Variants in LOXHD1 observed in about 807,000 individuals in gnomAD.
LOXHD1 encodes lipoxygenase homology domain-containing protein 1.
In LOXHD1, 205 loss-of-function variants were observed where a neutral mutation model predicts 248.2. The ratio of observed to expected loss-of-function variants is 0.83; its 90% confidence interval spans 0.74 to 0.93. LOXHD1 has a LOEUF of 0.93. LOXHD1 is among the 40% of genes least tolerant of loss of function. The probability of loss-of-function intolerance (pLI) is 0.00; values close to 1 mark genes in which losing one functional copy is unlikely to be tolerated. For missense variants in LOXHD1, 2,930 were observed against 2,971.6 expected, an observed-to-expected ratio of 0.99 and a Z score of 0.33; for synonymous variants, 1,113 against 1,162.8, an observed-to-expected ratio of 0.96 and a Z score of 0.87.
intron 4 of LOXHD1, among the ~76,000 whole-genome samples, chr18:46,636,284 C>T (rs2038891560): frequency 6.6e-6 from 1 of 152,190 alleles, no homozygotes; most frequent in Non-Finnish European, 1.5e-5. Flanking sequence ...AGAGACGAAA[C>T]AGTCATCTCC....
At chr18:46,636,893 C>G (rs574809403) in intron 4 of LOXHD1, among the ~76,000 whole-genome samples, 2 of 152,302 alleles carry the variant, frequency 1.3e-5, no homozygotes, top group African/African-American at 4.8e-5. Context: ...CACCTGTAAT[C>G]CCAGCACTTT....
intron 6 of LOXHD1, among the ~76,000 whole-genome samples, chr18:46,607,499 A>C (rs1451729289): frequency 6.6e-6 from 1 of 151,092 alleles, no homozygotes; most frequent in African/African-American, 2.4e-5. Context: ...TGATATATAT[A>C]TATTAATTAA....
chr18:46,484,894 G>A, intron 39 of LOXHD1, 125 bp downstream of exon 39: 5 of 1,162,330 alleles, frequency 4.3e-6, no homozygotes, highest in Non-Finnish European at 6.0e-6. Context: ...CACAGTAGGT[G>A]CTCAGTAAGT....
At chr18:46,569,723 C>T in intron 15 of LOXHD1, 85 bp from the exon 16 acceptor site, 1 of 1,086,342 alleles carries the variant, frequency 9.2e-7, no homozygotes, top group Non-Finnish European at 1.3e-6. Context: ...GGAGGGCAGC[C>T]TGGAGCTGGA....
At position 46,579,645 on chromosome 18, in the gene LOXHD1, C is replaced by T. The variant is rs2037925010; in HGVS notation, c.1794G>A (p.Leu598=). The T allele has an allele frequency of 6.4e-7, 1 of 1,551,582 alleles. No homozygotes were observed. Among genetic ancestry groups the T allele is most frequent in the Non-Finnish European group, 8.7e-7 (1 of 1,146,996 alleles). ...TGTAACTTACATTGCCCTTTTCAAA[C>T]AGGTCTGTGTTATTCCTGCAGTTGT... ...LLYNCRNNTD[L]FEKGNADEFT... is the part of the protein sequence containing the mutation. Residue 598 remains leucine, a synonymous_variant, in exon 13 of 41, where the codon CTG becomes CTA. Transcript: ENST00000642948.
intron 38 of LOXHD1, 57 bp downstream of exon 38, chr18:46,488,915 T>C (rs2033261387): frequency 1.3e-6 from 2 of 1,518,454 alleles, no homozygotes; most frequent in Admixed American, 4.0e-5. Context: ...AACGGTGTCT[T>C]CTTATTCCAG....
intron 4 of LOXHD1, among the ~76,000 whole-genome samples, chr18:46,633,824 T>C (rs2038858619): frequency 6.6e-6 from 1 of 152,240 alleles, no homozygotes; most frequent in African/African-American, 2.4e-5. Context: ...TGAATGGTTA[T>C]TCTCCAAAGA....
intron 39 of LOXHD1, 133 bp downstream of exon 39, chr18:46,484,886 C>T: frequency 9.0e-7 from 1 of 1,108,702 alleles, no homozygotes; most frequent in Middle Eastern, 2.1e-4. Context: ...GATTGGCACA[C>T]AGTAGGTGCT....
chr18:46,650,454 T>C (rs1403298450), intron 1 of LOXHD1, among the ~76,000 whole-genome samples: 2 of 152,124 alleles, frequency 1.3e-5, no homozygotes, highest in Admixed American at 6.5e-5. Context: ...CAACATTGAG[T>C]GGTTGCTTAC....
intron 8 of LOXHD1, among the ~76,000 whole-genome samples, chr18:46,598,694 T>C (rs1184722668): frequency 6.6e-6 from 1 of 152,146 alleles, no homozygotes; most frequent in Non-Finnish European, 1.5e-5. Flanking sequence ...TTTAAAGAGG[T>C]ACCACTTATA....
chr18:46,557,911 G>A (rs1463653597), intron 20 of LOXHD1: 1 of 1,076,512 alleles, frequency 9.3e-7, no homozygotes, highest in Non-Finnish European at 1.1e-6. Flanking sequence ...CCTGCTATGA[G>A]CTGGTGCTGT....
At position 46,547,033 on chromosome 18, in the gene LOXHD1, G is replaced by C. The variant is rs1305649238; in HGVS notation, c.3376C>G (p.Leu1126Val). ...ITYYFPCQRW[L>V]AVEEDDGQLS... The stretch of plus-strand genomic sequence containing the variant: ...TGGCCATCATCTTCCTCCACTGCCA[G>C]CCAACGTTGGCATGGAAAGTAGTAC... The change falls in exon 22 of 41, where the codon CTG becomes GTG. Residue 1126 changes from leucine to valine, a missense_variant. Physicochemically the swap from Leu to Val is conservative, Grantham distance 32. Transcript: ENST00000642948. The C allele has an allele frequency of 1.3e-6, 2 of 1,551,656 alleles. No homozygotes were observed. Among genetic ancestry groups the C allele is most frequent in the Admixed American group, 3.9e-5 (2 of 50,988 alleles).
intron 2 of LOXHD1, among the ~76,000 whole-genome samples, chr18:46,642,346 C>G (rs1045787839): frequency 6.6e-5 from 10 of 152,236 alleles, no homozygotes; most frequent in Admixed American, 5.9e-4. Context: ...GGACCAGAAC[C>G]TGGCTCTCCC....
At chr18:46,542,545 C>A (rs1382692872) in intron 24 of LOXHD1, among the ~76,000 whole-genome samples, 182 bp downstream of exon 24, 2 of 152,134 alleles carry the variant, frequency 1.3e-5, no homozygotes, top group Non-Finnish European at 2.9e-5. Context: ...ACTAATTAGG[C>A]CAGAAACTCT....
chr18:46,655,018 T>C (rs550566735), intron 1 of LOXHD1, among the ~76,000 whole-genome samples: 2 of 152,284 alleles, frequency 1.3e-5, no homozygotes, highest in East Asian at 3.9e-4. Context: ...TGCTTCAGAT[T>C]CCTCATCTGA....
chr18:46,574,382 T>TACACACACAC (rs1470113953), intron 14 of LOXHD1, among the ~76,000 whole-genome samples: 1 of 58,560 alleles, frequency 1.7e-5, no homozygotes, highest in South Asian at 5.2e-4. Flanking sequence ...TGTGTGTGTG[T>TACACACACAC]ACACATACAC....
chr18:46,556,271 C>G (rs1417614936), intron 21 of LOXHD1, among the ~76,000 whole-genome samples: 1 of 151,858 alleles, frequency 6.6e-6, no homozygotes, highest in African/African-American at 2.4e-5. Flanking sequence ...TTTGCTGATC[C>G]CTGGTATAGA....
intron 8 of LOXHD1, among the ~76,000 whole-genome samples, chr18:46,595,921 T>G (rs2038250063): frequency 2.6e-5 from 4 of 152,162 alleles, no homozygotes; most frequent in Admixed American, 2.6e-4. Flanking sequence ...AAGTCTGAGG[T>G]TGTGTGTTTT....
At position 46,577,750 on chromosome 18, in the gene LOXHD1, C is replaced by T. The variant is rs1386590714; in HGVS notation, c.1927G>A (p.Glu643Lys). The change falls in exon 14 of 41, where the codon GAG (glutamate) becomes AAG (lysine). Residue 643 changes from glutamate to lysine, a missense_variant. Coordinates refer to ENST00000642948, the MANE Select transcript of LOXHD1 (RefSeq NM_001384474.1). ...WYLDRVLVREEGQPESDNVEF... is the reference protein window; with the variant it reads ...WYLDRVLVREKGQPESDNVEF... ...ACGTTGTCGCTCTCAGGCTGCCCCT[C>T]CTCTCTCACCAGCACTCTGTCCAGG... 7.1e-6 allele frequency: 11 copies of T among 1,551,660 alleles called. No individual in the cohort carries two copies. Among genetic ancestry groups the T allele is most frequent in the Non-Finnish European group, 9.6e-6 (11 of 1,146,958 alleles).
Sources: allele counts gnomAD v4.1 joint callset (sites outside exome capture counted in the v4.1 genomes callset), GRCh38; gene constraint gnomAD v4.1.1; transcripts MANE v1.5; gene names NCBI Gene and HGNC (gene_info 2026-07-23, HGNC 2026-07-21).